THRB: variants seen among roughly 807,000 people sequenced by gnomAD.
THRB encodes the protein thyroid hormone receptor beta.
A neutral mutation model predicts 47.8 loss-of-function variants in THRB; 12 were observed. The ratio of observed to expected loss-of-function variants is 0.25; its 90% CI spans 0.16 to 0.41. The LOEUF is 0.41. Ranked by LOEUF, THRB falls within the 10% of genes least tolerant of loss-of-function variation. THRB has a pLI of 1.00. For synonymous variants in THRB, 218 were observed against 212.2 expected, an observed-to-expected ratio of 1.03 and a Z score of -0.24; for missense variants, 348 against 589.2, an observed-to-expected ratio of 0.59 and a Z score of 4.24.
intron 5 of THRB, among the ~76,000 whole-genome samples, chr3:24,158,841 C>CCTCTCTCT (rs10530553): frequency 2.7e-5 from 4 of 147,552 alleles, no homozygotes; most frequent in South Asian, 2.2e-4. Context: ...GACAGCTCTT[C>CCTCTCTCT]CTCTCTCTCT....
At position 24,127,614 on chromosome 3, in the gene THRB, A is replaced by C. The variant is rs1354053223; in HGVS notation, c.1029T>G (p.Asn343Lys). Reference sequence around the variant, plus strand: ...CGTCTGACACCACCCCAAGACCCCCATTTTTCAGCTGGCCCCGTGTCACTG... The same window carrying C: ...CGTCTGACACCACCCCAAGACCCCCCTTTTTCAGCTGGCCCCGTGTCACTG... ...EMAVTRGQLK[N>K]GGLGVVSDAI... Residue 343 changes from asparagine to lysine, a missense_variant, in exon 10 of 11, where the codon AAT becomes AAG. Physicochemically the swap from Asn to Lys is moderately conservative, Grantham distance 94. Coordinates refer to ENST00000646209, the MANE Select transcript of THRB (RefSeq NM_001354712.2). 1 of 1,613,798 alleles carries C rather than the reference A, an allele frequency of 6.2e-7. No homozygotes were observed. The highest frequency in any genetic ancestry group is 8.5e-7 in the Non-Finnish European group (1 of 1,179,988).
chr3:24,330,586 T>C (rs114791450), intron 2 of THRB, among the ~76,000 whole-genome samples: 1 of 152,304 alleles, frequency 6.6e-6, no homozygotes, highest in African/African-American at 2.4e-5. Flanking sequence ...GGTGTGTGTT[T>C]TTCCCATGCA....
intron 1 of THRB, among the ~76,000 whole-genome samples, chr3:24,400,466 T>C (rs760348207): frequency 6.6e-6 from 1 of 152,054 alleles, no homozygotes; most frequent in Non-Finnish European, 1.5e-5. Context: ...GACACAGTCA[T>C]TGAATGATAC....
At chr3:24,454,533 T>C (rs1023281976) in intron 1 of THRB, among the ~76,000 whole-genome samples, 1 of 152,178 alleles carries the variant, frequency 6.6e-6, no homozygotes, top group Non-Finnish European at 1.5e-5. Context: ...AATAAAGCTG[T>C]TTAAAAATAG....
At chr3:24,408,610 A>G (rs2068021230) in intron 1 of THRB, among the ~76,000 whole-genome samples, 1 of 151,850 alleles carries the variant, frequency 6.6e-6, no homozygotes, top group African/African-American at 2.4e-5. Flanking sequence ...TTGAGACCAA[A>G]GCTTTCCTTT....
chr3:24,300,033 T>C (rs1413263880), intron 2 of THRB, among the ~76,000 whole-genome samples: 1 of 152,062 alleles, frequency 6.6e-6, no homozygotes, highest in Non-Finnish European at 1.5e-5. Context: ...AGCCACCGAT[T>C]ACATCTCTAG....
intron 9 of THRB, among the ~76,000 whole-genome samples, chr3:24,132,052 T>A (rs2033942774): frequency 6.6e-6 from 1 of 152,174 alleles, no homozygotes; most frequent in South Asian, 2.1e-4. Context: ...CCCCATAATG[T>A]CTGAGGTCTC....
intron 2 of THRB, among the ~76,000 whole-genome samples, chr3:24,336,599 T>G (rs1447624962): frequency 6.6e-6 from 1 of 152,214 alleles, no homozygotes; most frequent in East Asian, 1.9e-4. Context: ...TTGCTTGATA[T>G]GACCACATAC....
chr3:24,448,121 C>T (rs1386664040), intron 1 of THRB, among the ~76,000 whole-genome samples: 2 of 152,154 alleles, frequency 1.3e-5, no homozygotes, highest in East Asian at 3.9e-4. Context: ...CTTCTTTCCA[C>T]ATGTGCCATT....
rs1267473182 is a variant in THRB, at chr3:24,119,056, G to T, written c.*3828C>A. The stretch of plus-strand genomic sequence containing the variant: ...AAGATTAAAGTAAAATGTCTCAATT[G>T]TAAAAAATACACACCGGGCAAATCC... On this transcript the variant is annotated 3_prime_UTR_variant, in exon 11 of 11. Coordinates refer to ENST00000646209, the MANE Select transcript of THRB (RefSeq NM_001354712.2). 1 of 113,328 alleles carries T rather than the reference G, an allele frequency of 8.8e-6. No individual in the cohort carries two copies. The highest frequency in any genetic ancestry group is 1.7e-5 in the Non-Finnish European group (1 of 60,566). The allele number at this position is 113,328 out of a possible 1,614,324, so 7.0% of individuals were successfully genotyped here.
At chr3:24,265,185 G>A (rs1576404243) in intron 3 of THRB, among the ~76,000 whole-genome samples, 2 of 152,186 alleles carry the variant, frequency 1.3e-5, no homozygotes, top group South Asian at 2.1e-4. Flanking sequence ...AGAAAGAAGG[G>A]CAGTGAAAGA....
At chr3:24,464,483 C>T (rs2073974327) in intron 1 of THRB, among the ~76,000 whole-genome samples, 1 of 152,114 alleles carries the variant, frequency 6.6e-6, no homozygotes, top group African/African-American at 2.4e-5. Context: ...CTATTTCCAT[C>T]TAATTACTTT....
chr3:24,440,346 C>A (rs1386254587), intron 1 of THRB, among the ~76,000 whole-genome samples: 2 of 152,052 alleles, frequency 1.3e-5, no homozygotes, highest in Non-Finnish European at 2.9e-5. Context: ...GAAAACAGTA[C>A]CTTGATGGGG....
At chr3:24,304,699 A>C (rs1236863209) in intron 2 of THRB, among the ~76,000 whole-genome samples, 1 of 152,196 alleles carries the variant, frequency 6.6e-6, no homozygotes. Context: ...ATATAGTGGA[A>C]AACAAAAATA....
intron 1 of THRB, among the ~76,000 whole-genome samples, chr3:24,457,206 C>T (rs1206993472): frequency 6.6e-6 from 1 of 152,156 alleles, no homozygotes; most frequent in Non-Finnish European, 1.5e-5. Flanking sequence ...TGTATTACCA[C>T]AGGACAATAC....
intron 3 of THRB, among the ~76,000 whole-genome samples, chr3:24,276,464 T>C (rs1409735220): frequency 6.6e-6 from 1 of 152,224 alleles, no homozygotes; most frequent in Non-Finnish European, 1.5e-5. Context: ...CTCAACATTT[T>C]TACCTTGAAA....
chr3:24,301,510 T>C (rs17014484), intron 2 of THRB, among the ~76,000 whole-genome samples: 3,620 of 152,194 alleles, frequency 0.024, 123 homozygotes, highest in African/African-American at 0.081. Flanking sequence ...CTGTATTTTT[T>C]AGTTTGTTTA....
intron 3 of THRB, among the ~76,000 whole-genome samples, chr3:24,261,546 T>A (rs1354466060): frequency 6.7e-6 from 1 of 149,102 alleles, no homozygotes; most frequent in Non-Finnish European, 1.5e-5. Context: ...GATCCCACTA[T>A]ACTCTTCAGC....
At chr3:24,354,872 C>T (rs545822289) in intron 1 of THRB, among the ~76,000 whole-genome samples, 2 of 152,154 alleles carry the variant, frequency 1.3e-5, no homozygotes, top group East Asian at 3.9e-4. Context: ...CATAAATCCA[C>T]ATTGATACAG....
Sources: gnomAD v4.1 joint callset for allele counts (sites outside exome capture counted in the v4.1 genomes callset) on GRCh38, gnomAD v4.1.1 for gene constraint, MANE v1.5 for transcripts, NCBI Gene and HGNC (gene_info 2026-07-23, HGNC 2026-07-21) for gene names.